Variants in RERE observed in about 807,000 individuals in gnomAD.
RERE encodes arginine-glutamic acid dipeptide repeats, also known as arginine-glutamic acid dipeptide repeats protein.
A neutral mutation model predicts 146.1 loss-of-function variants in RERE; 40 were observed. The observed-to-expected ratio is 0.27, with a 90% CI of 0.21 to 0.36. The LOEUF (loss-of-function observed/expected upper bound fraction) is 0.36. RERE is among the 10% of genes least tolerant of loss of function. The probability of loss-of-function intolerance (pLI) is 1.00; values close to 1 mark genes in which losing one functional copy is unlikely to be tolerated. For synonymous variants in RERE, 1,003 were observed against 866.0 expected, an observed-to-expected ratio of 1.16 and a Z score of -2.78; for missense variants, 1,933 against 2,138.7, an observed-to-expected ratio of 0.90 and a Z score of 1.90.
chr1:8,463,440 T>A (rs1040950403), intron 11 of RERE, among the ~76,000 whole-genome samples: 4 of 152,196 alleles, frequency 2.6e-5, no homozygotes, highest in Admixed American at 6.5e-5. Flanking sequence ...TAAACCAGGC[T>A]CTTTCTGATG....
At chr1:8,762,428 G>A (rs1640772289) in intron 1 of RERE, among the ~76,000 whole-genome samples, 1 of 152,154 alleles carries the variant, frequency 6.6e-6, no homozygotes, top group African/African-American at 2.4e-5. Flanking sequence ...AAGCTTTTCA[G>A]CACAAGAACT....
chr1:8,405,858 A>C (rs897191862), intron 12 of RERE, among the ~76,000 whole-genome samples: 5 of 151,898 alleles, frequency 3.3e-5, no homozygotes, highest in African/African-American at 1.2e-4. Flanking sequence ...GATGGTCTTG[A>C]TCTCCTGACC....
At chr1:8,536,942 C>T (rs1456976843) in intron 7 of RERE, among the ~76,000 whole-genome samples, 1 of 152,134 alleles carries the variant, frequency 6.6e-6, no homozygotes, top group African/African-American at 2.4e-5. Flanking sequence ...GCGGCTCATA[C>T]CTGTACTCCC....
chr1:8,500,662 T>C (rs1191959183), intron 8 of RERE, among the ~76,000 whole-genome samples: 4 of 148,000 alleles, frequency 2.7e-5, no homozygotes, highest in Admixed American at 2.7e-4. Flanking sequence ...CGTCTCTGCC[T>C]GGCCGCCCAT....
rs1641495644 is a variant in RERE, at chr1:8,360,094, G to C, written c.3395+18C>G. The C allele has an allele frequency of 1.3e-6, 2 of 1,578,610 alleles. No homozygotes were observed. Among genetic ancestry groups the C allele is most frequent in the South Asian group, 1.2e-5 (1 of 85,260 alleles). On this transcript the variant is annotated intron_variant, in intron 18 of 22. Transcript: ENST00000400908. ...GCCCACCTGTGCCTGACCCGTCCTG[G>C]AGCCCTAGGAAGCGTACCTAGCTGA...
chr1:8,566,787 T>G (rs1646157897), intron 4 of RERE, among the ~76,000 whole-genome samples: 1 of 118,922 alleles, frequency 8.4e-6, no homozygotes, highest in African/African-American at 3.1e-5. Context: ...ACAACTGGAA[T>G]AGTAATTTTT....
chr1:8,361,520 C>T, intron 17 of RERE, 30 bp from the exon 18 acceptor site: 1 of 1,605,100 alleles, frequency 6.2e-7, no homozygotes, highest in Non-Finnish European at 8.5e-7. Context: ...GGATGGAAGT[C>T]CCAGGAGGGC....
intron 1 of RERE, among the ~76,000 whole-genome samples, chr1:8,694,973 A>AGGGGG (rs57215572): frequency 9.0e-5 from 3 of 33,172 alleles, no homozygotes; most frequent in African/African-American, 1.3e-4. Context: ...AGAAATCCTA[A>AGGGGG]GGGGGGGGGG....
intron 11 of RERE, among the ~76,000 whole-genome samples, chr1:8,431,067 C>T (rs969090257): frequency 2.0e-5 from 3 of 152,212 alleles, no homozygotes; most frequent in African/African-American, 4.8e-5. Context: ...GGCTTATTAC[C>T]CTTACGTTAC....
rs901961723 is a variant in RERE, at chr1:8,364,991, G to A, written c.1448-153C>T. ...GTCAGAGCGGCTGGGTGCACAGGCTGAGGTAGGACAGTGTCTGCAAAGGAC... is the reference window on the plus strand; with the variant it reads ...GTCAGAGCGGCTGGGTGCACAGGCTAAGGTAGGACAGTGTCTGCAAAGGAC... On this transcript the variant is annotated intron_variant, in intron 13 of 22. Coordinates refer to ENST00000400908, the MANE Select transcript of RERE (RefSeq NM_001042681.2). This position sits in a 1 kb window ranked among gnomAD's most constrained non-coding sequence, Gnocchi z 5.1. Among the ~76,000 whole-genome samples, 1 of 152,234 alleles carries A rather than the reference G, an allele frequency of 6.6e-6. No homozygotes were observed. Among genetic ancestry groups the A allele is most frequent in the Non-Finnish European group, 1.5e-5 (1 of 68,038 alleles).
rs553553030 is a variant in RERE, at chr1:8,618,787, A to G, written c.397-4101T>C. 2.6e-5 allele frequency among the ~76,000 whole-genome samples: 4 copies of G among 152,346 alleles called. No individual in the cohort carries two copies. In the East Asian group the frequency reaches 7.7e-4, roughly 29 times the overall value. ...AAGACATAATTACTCATCCTCAGTA[A>G]GTTTTTATTACAAAGGAGGAGAAAT... On this transcript the variant is annotated intron_variant, in intron 3 of 22. Transcript: ENST00000400908.
At chr1:8,726,843 T>C (rs568926426) in intron 1 of RERE, among the ~76,000 whole-genome samples, 6 of 152,334 alleles carry the variant, frequency 3.9e-5, no homozygotes, top group East Asian at 1.9e-4. Context: ...TCTCCCTCTA[T>C]TGCCTAGGCT....
intron 1 of RERE, among the ~76,000 whole-genome samples, chr1:8,688,337 G>A (rs145322900): frequency 4.6e-5 from 7 of 152,212 alleles, no homozygotes; most frequent in East Asian, 1.9e-4. Flanking sequence ...AGGCAAAGGC[G>A]GATGACCTGA....
intron 11 of RERE, among the ~76,000 whole-genome samples, chr1:8,463,758 A>T (rs781174699): frequency 5.3e-5 from 8 of 152,210 alleles, no homozygotes; most frequent in Non-Finnish European, 1.2e-4. Flanking sequence ...AGAGGACGCC[A>T]AAGGGCATGG....
intron 1 of RERE, among the ~76,000 whole-genome samples, chr1:8,664,490 A>G (rs546879733): frequency 5.1e-4 from 77 of 152,334 alleles, no homozygotes; most frequent in African/African-American, 1.7e-3. Context: ...ACACATGTGA[A>G]AACTGTTCAC....
At chr1:8,668,529 G>A (rs1309661832) in intron 1 of RERE, among the ~76,000 whole-genome samples, 1 of 152,132 alleles carries the variant, frequency 6.6e-6, no homozygotes, top group Non-Finnish European at 1.5e-5. Flanking sequence ...CCCAAAGCAT[G>A]GCTGTAAACA....
intron 1 of RERE, among the ~76,000 whole-genome samples, chr1:8,694,977 G>GGC (rs1553135219): frequency 4.7e-5 from 6 of 127,536 alleles, no homozygotes; most frequent in East Asian, 2.3e-4. Flanking sequence ...ATCCTAAGGG[G>GGC]GGGGGGGGAA....
chr1:8,463,231 G>A (rs1644549013), intron 11 of RERE, among the ~76,000 whole-genome samples: 1 of 152,154 alleles, frequency 6.6e-6, no homozygotes, highest in Non-Finnish European at 1.5e-5. Context: ...TTTTCAAAGT[G>A]AAGCTTCACT....
chr1:8,682,278 T>C (rs1638988481), intron 1 of RERE, among the ~76,000 whole-genome samples: 2 of 152,230 alleles, frequency 1.3e-5, no homozygotes, highest in Admixed American at 1.3e-4. Context: ...ACTAATAATT[T>C]CAACTAAATC....
Sources: allele counts gnomAD v4.1 joint callset (sites outside exome capture counted in the v4.1 genomes callset), GRCh38; gene constraint gnomAD v4.1.1; non-coding constraint Gnocchi (gnomAD v3.1); transcripts MANE v1.5; gene names NCBI Gene and HGNC (gene_info 2026-07-23, HGNC 2026-07-21).